Variants in SPDYE5 observed in about 807,000 individuals in gnomAD.
The protein encoded by SPDYE5 is speedy/RINGO cell cycle regulator family member E5, also known as speedy protein E5.
In SPDYE5, 15 loss-of-function variants were observed where a neutral mutation model predicts 48.5. The ratio of observed to expected loss-of-function variants is 0.31; its 90% CI spans 0.21 to 0.48. The LOEUF is 0.48. Among genes scored for constraint, SPDYE5 ranks in the 20% least tolerant of loss-of-function variants. The pLI, the probability that SPDYE5 is intolerant of heterozygous loss-of-function variation, is 0.99. For missense variants in SPDYE5, 331 were observed against 549.1 expected, an observed-to-expected ratio of 0.60 and a Z score of 3.97; for synonymous variants, 116 against 200.7, an observed-to-expected ratio of 0.58 and a Z score of 3.57.
rs1554482389 is a variant in SPDYE5, at chr7:75,495,375, G to A, written c.379+1G>A. The A allele has an allele frequency of 2.5e-6, 4 of 1,597,400 alleles. No individual in the cohort carries two copies. The Admixed American group carries it at 5.0e-5, about 20-fold the overall frequency. Reference sequence around the variant, plus strand: ...CACAAGGGCTTCAACAGTCAGCTTGGTAGGAGGACACCCCAGAGAGCACCT... The same window carrying A: ...CACAAGGGCTTCAACAGTCAGCTTGATAGGAGGACACCCCAGAGAGCACCT... On this transcript the variant is annotated splice_donor_variant, in intron 3 of 8. Transcript: ENST00000625065. LOFTEE classifies it high-confidence loss of function.
In SPDYE5 at chr7:75,503,589, A is replaced by C. The variant is rs1194121345; in HGVS notation, c.*802A>C. 2 of 151,626 alleles carry C rather than the reference A, an allele frequency of 1.3e-5. No homozygotes were observed. The highest frequency in any genetic ancestry group is 2.9e-5 in the Non-Finnish European group (2 of 67,892). The allele number at this position is 151,626 out of a possible 1,614,324, so 9.4% of individuals were successfully genotyped here. ...TATTTATAGCTATTGGTAGTTCCCCACCACAAAAAAAACATAATTCTGGTG... is the reference window on the plus strand; with the variant it reads ...TATTTATAGCTATTGGTAGTTCCCCCCCACAAAAAAAACATAATTCTGGTG... On this transcript the variant is annotated 3_prime_UTR_variant, in exon 9 of 9. Coordinates refer to ENST00000625065, the MANE Select transcript of SPDYE5 (RefSeq NM_001306141.4).
chr7:75,503,133 C>T lies in SPDYE5; in HGVS notation c.*346C>T, dbSNP rs1467267759. On this transcript the variant is annotated 3_prime_UTR_variant, in exon 9 of 9. Coordinates refer to ENST00000625065, the MANE Select transcript of SPDYE5 (RefSeq NM_001306141.4). ...TTGCTGAATTCCAACCTCCCTGGGG[C>T]GGAACCTGGAGGTCCTGTTTCTTAT... The T allele has an allele frequency of 5.0e-5, 23 of 460,374 alleles. No individual in the cohort carries two copies. The highest frequency in any genetic ancestry group is 9.7e-5 in the Admixed American group (4 of 41,328). 28.5% of individuals were successfully genotyped at this position (460,374 alleles called of 1,614,324 possible).
intron 1 of SPDYE5, 38 bp from the exon 2 acceptor site, chr7:75,493,589 C>T: frequency 9.1e-7 from 1 of 1,101,090 alleles, no homozygotes; most frequent in Non-Finnish European, 1.1e-6. Flanking sequence ...TTCTGCTTAC[C>T]CTAGTTTTCT....
At chr7:75,494,491 G>C (rs1792851303) in intron 2 of SPDYE5, among the ~76,000 whole-genome samples, 1 of 147,640 alleles carries the variant, frequency 6.8e-6, no homozygotes, top group Non-Finnish European at 1.5e-5. Flanking sequence ...AGGTTGCAGT[G>C]AGCTGAGATC....
At chr7:75,500,698 C>CTGTTTGTT (rs782670615) in intron 6 of SPDYE5, among the ~76,000 whole-genome samples, 1 of 151,956 alleles carries the variant, frequency 6.6e-6, no homozygotes, top group Non-Finnish European at 1.5e-5. Flanking sequence ...CACACCTGGA[C>CTGTTTGTT]TGTTTGTTTG....
intron 6 of SPDYE5, among the ~76,000 whole-genome samples, chr7:75,499,533 G>C (rs1159629450): frequency 6.6e-6 from 1 of 152,084 alleles, no homozygotes; most frequent in Admixed American, 6.6e-5. Flanking sequence ...TTGGGAGGCC[G>C]AGGCAGGCGG....
intron 5 of SPDYE5, among the ~76,000 whole-genome samples, chr7:75,498,401 G>A (rs1236951492): frequency 2.0e-5 from 3 of 152,030 alleles, no homozygotes; most frequent in African/African-American, 4.8e-5. Flanking sequence ...TGAGATTATA[G>A]ACGTCAGCCA....
chr7:75,502,281 T>C (rs587648189), intron 8 of SPDYE5, among the ~76,000 whole-genome samples: 1 of 140,262 alleles, frequency 7.1e-6, no homozygotes, highest in African/African-American at 2.7e-5. Context: ...TCATAAATAC[T>C]GAGTTGGGGG....
In SPDYE5 at chr7:75,501,539, G is replaced by A. The variant is rs587753316; in HGVS notation, c.933G>A (p.Lys311=). Reference sequence around the variant, plus strand: ...GCTCTCGCATACCCTTGCTCCGTAAGCGTCGGTTCCAGTTAGGCCGTTCCA... The same window carrying A: ...GCTCTCGCATACCCTTGCTCCGTAAACGTCGGTTCCAGTTAGGCCGTTCCA... ...KKRSRIPLLR[K]RRFQLGRSMN... The change falls in exon 7 of 9, where the codon AAG becomes AAA. Residue 311 remains lysine (K), a synonymous_variant. Coordinates refer to ENST00000625065, the MANE Select transcript of SPDYE5 (RefSeq NM_001306141.4). The A allele has an allele frequency of 1.5e-5, 22 of 1,512,504 alleles. 1 individual carries two copies. The South Asian group carries it at 2.6e-4, about 18-fold the overall frequency. The allele number at this position is 1,512,504 out of a possible 1,614,324, so 93.7% of individuals were successfully genotyped here.
intron 6 of SPDYE5, 36 bp from the exon 7 acceptor site, chr7:75,501,326 G>A (rs1793146237): frequency 6.8e-6 from 11 of 1,611,772 alleles, no homozygotes; most frequent in African/African-American, 1.3e-5. Flanking sequence ...CTCTCTTGGT[G>A]GTGCCCCTGA....
intron 3 of SPDYE5, among the ~76,000 whole-genome samples, chr7:75,495,868 C>T (rs1370877441): frequency 1.3e-5 from 2 of 151,956 alleles, no homozygotes. Flanking sequence ...AGCGAAACCT[C>T]ATTTATACTA....
chr7:75,493,800 C>G lies in SPDYE5; in HGVS notation c.-248C>G. 1 of 1,419,064 alleles carries G rather than the reference C, an allele frequency of 7.0e-7. No individual in the cohort carries two copies. The highest frequency in any genetic ancestry group is 1.5e-5 in the South Asian group (1 of 66,300). 87.9% of individuals were successfully genotyped at this position (1,419,064 alleles called of 1,614,324 possible). On this transcript the variant is annotated 5_prime_UTR_variant, in exon 2 of 9. Coordinates refer to ENST00000625065, the MANE Select transcript of SPDYE5 (RefSeq NM_001306141.4). ...ACAGTGGCAGGAGATACCATTCACC[C>G]AGGATCTCCAGGACAAGAGATCAGC...
Position 75,501,260 on chromosome 7 carries a change from T to C in SPDYE5, c.756-102T>C, listed in dbSNP as rs1420343541. On this transcript the variant is annotated intron_variant, in intron 6 of 8. Transcript: ENST00000625065. ...CTCTCTGCAGGGTGGGTGCCAGTCC[T>C]GAGCTAGGGACGGTCCCTTACCTTC... 4.5e-6 allele frequency: 7 copies of C among 1,561,186 alleles called. No homozygotes were observed. The African/African-American group carries it at 8.2e-5, about 18-fold the overall frequency.
intron 3 of SPDYE5, among the ~76,000 whole-genome samples, chr7:75,495,673 C>T (rs1268408768): frequency 6.6e-6 from 1 of 152,086 alleles, no homozygotes; most frequent in Non-Finnish European, 1.5e-5. Context: ...GAACTCAGGA[C>T]TTTGAGGCTG....
intron 3 of SPDYE5, among the ~76,000 whole-genome samples, chr7:75,495,620 T>A (rs1554482423): frequency 6.6e-6 from 1 of 152,344 alleles, no homozygotes; most frequent in Non-Finnish European, 1.5e-5. Context: ...GGCTCACGCC[T>A]GAGATCCTAG....
chr7:75,504,064 ACAT>A lies in SPDYE5; in HGVS notation c.*1278_*1280del, dbSNP rs1301798851. 2 of 152,072 alleles carry A rather than the reference ACAT, an allele frequency of 1.3e-5. No homozygotes were observed. The highest frequency in any genetic ancestry group is 2.9e-5 in the Non-Finnish European group (2 of 68,002). The allele number at this position is 152,072 out of a possible 1,614,324, so 9.4% of individuals were successfully genotyped here. ...GTGATACTTAGTTAACATATATATT[ACAT>A]TTATAGCTATGTAGTAGTTCCCCTA... On this transcript the variant is annotated 3_prime_UTR_variant, in exon 9 of 9. Coordinates refer to ENST00000625065, the MANE Select transcript of SPDYE5 (RefSeq NM_001306141.4).
Position 75,493,866 on chromosome 7 carries a change from T to G in SPDYE5, c.-182T>G, listed in dbSNP as rs1435618307. On this transcript the variant is annotated 5_prime_UTR_variant, in exon 2 of 9. Transcript: ENST00000625065. The stretch of plus-strand genomic sequence containing the variant: ...GTTTTTTTTCAAACTGGTTGCCAGG[T>G]TGGCATGAGCGATGACATCAGAGAT... 1 of 1,442,032 alleles carries G rather than the reference T, an allele frequency of 6.9e-7. No individual in the cohort carries two copies. The highest frequency in any genetic ancestry group is 9.1e-7 in the Non-Finnish European group (1 of 1,102,980). The allele number at this position is 1,442,032 out of a possible 1,614,324, so 89.3% of individuals were successfully genotyped here.
In SPDYE5 at chr7:75,497,945, TGTCATTAAA is replaced by T. The variant is rs1792994893; in HGVS notation, c.619_627del (p.Val207_Lys209del). ...TCTGCTCTCTAATCACAGAGGATCC[TGTCATTAAA>T]AGATTCCTGGCCTGGGACAAAGATC... On this transcript the variant is annotated inframe_deletion, in exon 5 of 9. Coordinates refer to ENST00000625065, the MANE Select transcript of SPDYE5 (RefSeq NM_001306141.4). 1.4e-5 allele frequency: 22 copies of T among 1,595,170 alleles called. No individual in the cohort carries two copies. Among genetic ancestry groups the T allele is most frequent in the Non-Finnish European group, 1.8e-5 (21 of 1,179,002 alleles).
At chr7:75,502,630 TTAAG>T (rs1244532232) in intron 8 of SPDYE5, among the ~76,000 whole-genome samples, 199 bp from the exon 9 acceptor site, 2 of 144,890 alleles carry the variant, frequency 1.4e-5, no homozygotes, top group African/African-American at 2.8e-5. Flanking sequence ...CTTGGGTGTA[TTAAG>T]TGAGTTTTGG....
Sources: gnomAD v4.1 joint callset for allele counts (sites outside exome capture counted in the v4.1 genomes callset) on GRCh38, gnomAD v4.1.1 for gene constraint, MANE v1.5 for transcripts, NCBI Gene and HGNC (gene_info 2026-07-23, HGNC 2026-07-21) for gene names.